Variants in MKLN1 observed in about 807,000 individuals in gnomAD.
MKLN1 encodes muskelin 1.
In MKLN1, 18 loss-of-function variants were observed where a neutral mutation model predicts 99.0. The observed-to-expected ratio is 0.18, with a 90% CI of 0.13 to 0.27. MKLN1 has a LOEUF of 0.27. Among genes scored for constraint, MKLN1 ranks in the 10% least tolerant of loss-of-function variants. The pLI is 1.00. For synonymous variants in MKLN1, 288 were observed against 293.2 expected, an observed-to-expected ratio of 0.98 and a Z score of 0.18; for missense variants, 621 against 875.9, an observed-to-expected ratio of 0.71 and a Z score of 3.67.
At position 131,494,059 on chromosome 7, in the gene MKLN1, C is replaced by G. The variant is rs544145397; in HGVS notation, c.*6331C>G. 2 of 152,268 alleles carry G rather than the reference C, an allele frequency of 1.3e-5. No homozygotes were observed. Among genetic ancestry groups the G allele is most frequent in the East Asian group, 3.9e-4 (2 of 5,184 alleles). 9.4% of individuals were successfully genotyped at this position (152,268 alleles called of 1,614,324 possible). A position where few individuals can be genotyped will look rare whatever the true frequency, so the allele number is the denominator to read the frequency against. On this transcript the variant is annotated 3_prime_UTR_variant, in exon 18 of 18. Transcript: ENST00000352689. ...TCATTTGGTTGGTTTTATTTTCTAGCCCTTTAACATAGGAGGAAAATTGTC... is the reference window on the plus strand; with the variant it reads ...TCATTTGGTTGGTTTTATTTTCTAGGCCTTTAACATAGGAGGAAAATTGTC...
intron 3 of MKLN1, among the ~76,000 whole-genome samples, chr7:131,229,589 C>G (rs1072157): frequency 0.49 from 73,713 of 151,784 alleles, 18,375 homozygotes; most frequent in East Asian, 0.55. Flanking sequence ...GTTTCACTCT[C>G]TTACCCAGGC....
intron 3 of MKLN1, among the ~76,000 whole-genome samples, chr7:131,271,895 G>A (rs1797890964): frequency 7.1e-6 from 1 of 140,270 alleles, no homozygotes; most frequent in African/African-American, 2.6e-5. Flanking sequence ...GGCAACAAAA[G>A]CGAAACTCTG....
At chr7:131,407,950 T>C (rs1247920106) in intron 6 of MKLN1, among the ~76,000 whole-genome samples, 1 of 152,148 alleles carries the variant, frequency 6.6e-6, no homozygotes, top group East Asian at 1.9e-4. Flanking sequence ...AAACACTGCA[T>C]CATTGTCATC....
chr7:131,277,956 C>T (rs1389364151), intron 3 of MKLN1, among the ~76,000 whole-genome samples: 1 of 152,128 alleles, frequency 6.6e-6, no homozygotes, highest in East Asian at 1.9e-4. Context: ...GATGTAAGAT[C>T]TGCCCATTCT....
chr7:131,207,937 G>A (rs1175790753), intron 3 of MKLN1, among the ~76,000 whole-genome samples: 4 of 152,162 alleles, frequency 2.6e-5, no homozygotes, highest in African/African-American at 9.7e-5. Context: ...ATGTTTCAGA[G>A]GCTAAATATT....
chr7:131,138,485 A>G (rs1216391871), intron 1 of MKLN1, among the ~76,000 whole-genome samples: 1 of 152,166 alleles, frequency 6.6e-6, no homozygotes, highest in Non-Finnish European at 1.5e-5. Context: ...TAAAATGATA[A>G]TAGCCCTTAC....
At chr7:131,259,120 A>AAT (rs894341757) in intron 3 of MKLN1, among the ~76,000 whole-genome samples, 6 of 151,896 alleles carry the variant, frequency 4.0e-5, no homozygotes, top group African/African-American at 7.3e-5. Flanking sequence ...TTTTTAAAAA[A>AAT]ATATATATAT....
At position 131,487,197 on chromosome 7, in the gene MKLN1, C is replaced by T. The variant is rs1383315908; in HGVS notation, c.2087-410C>T. Among the ~76,000 whole-genome samples the T allele has an allele frequency of 6.6e-6, 1 of 152,034 alleles. No individual in the cohort carries two copies. The highest frequency in any genetic ancestry group is 1.5e-5 in the Non-Finnish European group (1 of 67,996). On this transcript the variant is annotated intron_variant, in intron 17 of 17. Transcript: ENST00000352689. The surrounding 1 kb of genome is among the most constrained non-coding windows in gnomAD (Gnocchi z 4.7). Reference sequence around the variant, plus strand: ...AAAAACTTTTTTAGTGGTTCAGAAGCATTAACAAGTCAGAAAAGACAAGTG... The same window carrying T: ...AAAAACTTTTTTAGTGGTTCAGAAGTATTAACAAGTCAGAAAAGACAAGTG...
Position 131,129,205 on chromosome 7 carries a change from A to C in MKLN1, c.-418-13615A>C, listed in dbSNP as rs548850547. On this transcript the variant is annotated intron_variant, in intron 1 of 7. Transcript: ENST00000416992. ...CCTAGCAAATTGTAAGAACTTTAAA[A>C]TGATATCTTACATGGATAAAGAGTC... Among the ~76,000 whole-genome samples, 30 of 152,328 alleles carry C rather than the reference A, an allele frequency of 2.0e-4. No homozygotes were observed. In the South Asian group the frequency reaches 6.0e-3, roughly 30 times the overall value.
At chr7:131,307,950 C>T (rs1381074782) in intron 3 of MKLN1, among the ~76,000 whole-genome samples, 1 of 152,238 alleles carries the variant, frequency 6.6e-6, no homozygotes, top group Non-Finnish European at 1.5e-5. Context: ...GGCCCTGTGC[C>T]CCCACCCAAA....
intron 3 of MKLN1, among the ~76,000 whole-genome samples, chr7:131,231,999 G>A (rs145240743): frequency 1.8e-4 from 27 of 152,106 alleles, no homozygotes; most frequent in East Asian, 5.8e-4. Context: ...TTAGTTCAGC[G>A]AACATGAAGG....
At chr7:131,161,961 GTGTATATATATATA>G (rs752419166) in intron 2 of MKLN1, among the ~76,000 whole-genome samples, 4,623 of 81,052 alleles carry the variant, frequency 0.057, 131 homozygotes, top group Middle Eastern at 0.13. Context: ...GTGTGTGTGT[GTGTATATATATATA>G]TATATATATA....
intron 6 of MKLN1, among the ~76,000 whole-genome samples, chr7:131,401,624 G>GT (rs1338780541): frequency 1.3e-5 from 2 of 151,812 alleles, no homozygotes; most frequent in Non-Finnish European, 2.9e-5. Context: ...CTCCACTCTG[G>GT]TTTTTTGGAT....
chr7:131,242,527 C>T (rs1346815024), intron 3 of MKLN1: 1 of 315,764 alleles, frequency 3.2e-6, no homozygotes, highest in Non-Finnish European at 6.2e-6. Context: ...CAGAGTGTGA[C>T]CCTGTCTCTT....
intron 1 of MKLN1, chr7:131,110,312 C>T (rs1446587874): frequency 6.1e-6 from 1 of 162,830 alleles, no homozygotes; most frequent in Non-Finnish European, 1.3e-5. Context: ...CTGAAGGAGC[C>T]CAGTTTCCAG....
At chr7:131,321,277 G>A (rs117311645) in intron 3 of MKLN1, among the ~76,000 whole-genome samples, 7,033 of 152,158 alleles carry the variant, frequency 0.046, 190 homozygotes, top group Middle Eastern at 0.12. Flanking sequence ...TCCTTTCCAG[G>A]GACATGGATG....
At chr7:131,203,505 G>A (rs953572593) in intron 3 of MKLN1, among the ~76,000 whole-genome samples, 12 of 152,136 alleles carry the variant, frequency 7.9e-5, no homozygotes, top group Non-Finnish European at 1.6e-4. Flanking sequence ...GGCCAGCAGC[G>A]GCTGCATCTG....
intron 8 of MKLN1, among the ~76,000 whole-genome samples, chr7:131,426,144 C>T (rs1183258024): frequency 6.6e-6 from 1 of 152,172 alleles, no homozygotes; most frequent in Non-Finnish European, 1.5e-5. Flanking sequence ...TTTTGCTCAG[C>T]TATCAATGAG....
At chr7:131,286,698 G>A (rs1403202811) in intron 3 of MKLN1, among the ~76,000 whole-genome samples, 3 of 152,166 alleles carry the variant, frequency 2.0e-5, no homozygotes, top group African/African-American at 4.8e-5. Flanking sequence ...TACAAGACAA[G>A]GTTCTTGTTT....
Sources: allele counts gnomAD v4.1 joint callset (sites outside exome capture counted in the v4.1 genomes callset), GRCh38; gene constraint gnomAD v4.1.1; non-coding constraint Gnocchi (gnomAD v3.1); transcripts MANE v1.5; gene names NCBI Gene and HGNC (gene_info 2026-07-23, HGNC 2026-07-21).